The following SMG8 variants were observed in gnomAD, a reference collection of about 807,000 sequenced individuals.
The protein encoded by SMG8 is SMG8 nonsense mediated mRNA decay factor, also known as nonsense-mediated mRNA decay factor SMG8.
SMG8 carries 49 observed loss-of-function variants against 82.1 expected under a neutral mutation model. The observed-to-expected ratio is 0.60, with a 90% confidence interval of 0.47 to 0.76. The LOEUF is 0.76. SMG8 is among the 30% of genes least tolerant of loss of function. The pLI is 0.00. For synonymous variants in SMG8, 404 were observed against 430.0 expected (o/e 0.94, Z 0.75); for missense variants, 969 against 1,166.4 (o/e 0.83, Z 2.46).
intron 3 of SMG8, among the ~76,000 whole-genome samples, chr17:59,214,584 T>A (rs1379493124): frequency 6.6e-6 from 1 of 151,974 alleles, no homozygotes; most frequent in African/African-American, 2.4e-5. Context: ...ATTTTTTGTA[T>A]TTTTAGTAGA....
In SMG8 at chr17:59,210,765, G is replaced by A. The variant is rs771812175; in HGVS notation, c.714G>A (p.Leu238=). The change falls in exon 1 of 4, where the codon CTG becomes CTA. Residue 238 remains leucine (L), a synonymous_variant. Coordinates refer to ENST00000300917, the MANE Select transcript of SMG8 (RefSeq NM_018149.7). ...TGGATGGGCTGAGACAGAAGGTCCT[G>A]CCGCTCCTTAAAACAGCCATTAAGG... ...RALDGLRQKV[L]PLLKTAIKDC... is the part of the protein sequence containing the mutation. 22 of 1,614,108 alleles carry A rather than the reference G, an allele frequency of 1.4e-5. No individual in the cohort carries two copies. The South Asian group carries it at 2.3e-4, about 17-fold the overall frequency.
chr17:59,211,505 TGGAA>T lies in SMG8; in HGVS notation c.1458_1461del (p.Glu486AspfsTer35). The stretch of plus-strand genomic sequence containing the variant: ...AAGATTTTAAGCAGTATTAAAGTCT[TGGAA>T]GGATTTTTGGATATTGACACAAAAT... On this transcript the variant is annotated frameshift_variant, in exon 1 of 4. Coordinates refer to ENST00000300917, the MANE Select transcript of SMG8 (RefSeq NM_018149.7). LOFTEE classifies it high-confidence loss of function. The T allele has an allele frequency of 6.2e-7, 1 of 1,613,954 alleles. No individual in the cohort carries two copies. Among genetic ancestry groups the T allele is most frequent in the Non-Finnish European group, 8.5e-7 (1 of 1,179,976 alleles).
intron 3 of SMG8, among the ~76,000 whole-genome samples, chr17:59,214,464 G>A (rs2147865561): frequency 6.6e-6 from 1 of 152,076 alleles, no homozygotes; most frequent in African/African-American, 2.4e-5. Context: ...AGGCTGGAGG[G>A]CAGTGGTGCA....
Position 59,210,474 on chromosome 17 carries a change from C to G in SMG8, c.423C>G (p.Tyr141Ter). ...GSQDYSLLQA[Y>*]YSQESKVLYL... ...AGGACTACAGCCTTCTGCAGGCCTA[C>G]TACAGTCAGGAAAGCAAAGTTCTGT... The change falls in exon 1 of 4, where the codon TAC (tyrosine) becomes TAG (stop). Residue 141 changes from tyrosine to a stop codon, truncating the protein, a stop_gained. Transcript: ENST00000300917. LOFTEE classifies it high-confidence loss of function. 6.3e-7 allele frequency: 1 copy of G among 1,588,664 alleles called. No homozygotes were observed. The highest frequency in any genetic ancestry group is 8.5e-7 in the Non-Finnish European group (1 of 1,170,682).
chr17:59,210,828 A>C lies in SMG8; in HGVS notation c.777A>C (p.Arg259=), dbSNP rs199542339. The part of the protein sequence containing the change: ...PVGKDWKLNC[R]PCPPRLLFLF... Reference sequence around the variant, plus strand: ...GCAAAGACTGGAAGCTAAACTGCCGACCTTGCCCACCTAGACTCCTTTTCC... The same window carrying C: ...GCAAAGACTGGAAGCTAAACTGCCGCCCTTGCCCACCTAGACTCCTTTTCC... The change falls in exon 1 of 4, where the codon CGA becomes CGC. Residue 259 remains arginine, a synonymous_variant. Coordinates refer to ENST00000300917, the MANE Select transcript of SMG8 (RefSeq NM_018149.7). 66 of 1,614,104 alleles carry C rather than the reference A, an allele frequency of 4.1e-5. 1 individual carries two copies. The Admixed American group carries it at 7.5e-4, about 18-fold the overall frequency.
chr17:59,210,436 GAGGC>G lies in SMG8; in HGVS notation c.390_393del (p.Gly131ProfsTer102). The G allele has an allele frequency of 6.2e-7, 1 of 1,610,046 alleles. No homozygotes were observed. Among genetic ancestry groups the G allele is most frequent in the Non-Finnish European group, 8.5e-7 (1 of 1,178,326 alleles). ...AGCTGTCGCGGAAGGTAACCGAACT[GAGGC>G]AGGCTCCCAGGACTACAGCCTTCTG... On this transcript the variant is annotated frameshift_variant, in exon 1 of 4. Coordinates refer to ENST00000300917, the MANE Select transcript of SMG8 (RefSeq NM_018149.7). LOFTEE classifies it high-confidence loss of function.
chr17:59,211,039 C>T lies in SMG8; in HGVS notation c.988C>T (p.Pro330Ser). The change falls in exon 1 of 4, where the codon CCT becomes TCT. Residue 330 changes from proline to serine, a missense_variant. Physicochemically the swap from Pro to Ser is moderately conservative, Grantham distance 74. Transcript: ENST00000300917. Reference sequence around the variant, plus strand: ...GAGCATCAACTGCCTCTTTACTGTGCCTGCCAACCAAGCTTTCGTGTACAT... The same window carrying T: ...GAGCATCAACTGCCTCTTTACTGTGTCTGCCAACCAAGCTTTCGTGTACAT... Reference protein sequence around the residue: ...NQSINCLFTVPANQAFVYIVP... With the variant: ...NQSINCLFTVSANQAFVYIVP... 1 of 1,614,216 alleles carries T rather than the reference C, an allele frequency of 6.2e-7. No individual in the cohort carries two copies. The highest frequency in any genetic ancestry group is 8.5e-7 in the Non-Finnish European group (1 of 1,180,046).
rs2046938883 is a variant in SMG8 at position 59,210,196 on chromosome 17, G to C, written c.145G>C (p.Val49Leu). ...TCCATGGCGGGAGGATGAGATCTGC[G>C]TTGTGGGAATCTTCGGCAAGACGGC... ...EPPWREDEIC[V>L]VGIFGKTALR... The change falls in exon 1 of 4, where the codon GTT (valine) becomes CTT (leucine). Residue 49 changes from valine (V) to leucine (L), a missense_variant. Val to Leu is a conservative substitution (Grantham distance 32, BLOSUM62 1). Coordinates refer to ENST00000300917, the MANE Select transcript of SMG8 (RefSeq NM_018149.7). 1 of 1,601,090 alleles carries C rather than the reference G, an allele frequency of 6.2e-7. No individual in the cohort carries two copies. Among genetic ancestry groups the C allele is most frequent in the Admixed American group, 1.7e-5 (1 of 58,332 alleles).
chr17:59,213,240 C>G lies in SMG8; in HGVS notation c.2417C>G (p.Ala806Gly). 1 of 1,614,174 alleles carries G rather than the reference C, an allele frequency of 6.2e-7. No homozygotes were observed. The highest frequency in any genetic ancestry group is 8.5e-7 in the Non-Finnish European group (1 of 1,180,046). Residue 806 changes from alanine to glycine, a missense_variant, in exon 3 of 4, where the codon GCT becomes GGT. This residue lies in a region of SMG8 where 662 missense variants were observed against 884.8 expected (regional missense o/e 0.75). Transcript: ENST00000300917. Reference protein sequence around the residue: ...MPWDIVIRTRAEDEGDLDTNS... With the variant: ...MPWDIVIRTRGEDEGDLDTNS... ...TGGGACATTGTCATCAGGACTAGAG[C>G]TGAAGATGAAGGAGACTTAGACACA...
rs150837501 is a variant in SMG8 at position 59,214,973 on chromosome 17, C to T, written c.2947C>T (p.Arg983Cys). ...GCAGTTAATGAGCTACAAGGTGCTCCGTGGGGTTCTTAAGGCAGTAACACA... is the reference window on the plus strand; with the variant it reads ...GCAGTTAATGAGCTACAAGGTGCTCTGTGGGGTTCTTAAGGCAGTAACACA... ...NVQLMSYKVL[R>C]GVLKAVTQ The change falls in exon 4 of 4, where the codon CGT (arginine) becomes TGT (cysteine). Residue 983 changes from arginine (R) to cysteine (C), a missense_variant. Physicochemically the swap from Arg to Cys is radical, Grantham distance 180. Around this residue, in one of 3 missense-constraint regions of SMG8, gnomAD observed 101 missense variants for 91.1 expected, o/e 1.11. Coordinates refer to ENST00000300917, the MANE Select transcript of SMG8 (RefSeq NM_018149.7). The T allele has an allele frequency of 5.5e-5, 48 of 872,804 alleles. No individual in the cohort carries two copies. The highest frequency in any genetic ancestry group is 3.9e-5 in the South Asian group (3 of 76,524). The allele number at this position is 872,804 out of a possible 1,614,324, so 54.1% of individuals were successfully genotyped here. A position where few individuals can be genotyped will look rare whatever the true frequency, so the allele number is the denominator to read the frequency against.
rs112307391 is a variant in SMG8 at position 59,211,328 on chromosome 17, G to A, written c.1277G>A (p.Gly426Asp). ...QHVELVLSKK[G>D]FDDSVGRNPQ... ...GTGGAGCTAGTTCTAAGCAAGAAAG[G>A]TTTCGATGACAGTGTGGGCAGGAAC... is the stretch of plus-strand genomic sequence containing the variant. The change falls in exon 1 of 4, where the codon GGT becomes GAT. Residue 426 changes from glycine (G) to aspartate (D), a missense_variant. By Grantham distance (94) the Gly-to-Asp change is moderately conservative. This residue lies in a region of SMG8 where 662 missense variants were observed against 884.8 expected (regional missense o/e 0.75). Coordinates refer to ENST00000300917, the MANE Select transcript of SMG8 (RefSeq NM_018149.7). 6.2e-7 allele frequency: 1 copy of A among 1,614,148 alleles called. No homozygotes were observed. Among genetic ancestry groups the A allele is most frequent in the Non-Finnish European group, 8.5e-7 (1 of 1,180,018 alleles).
At chr17:59,212,611 CAGG>C (rs996450272) in intron 2 of SMG8, 115 bp from the exon 3 acceptor site, 55 of 1,458,688 alleles carry the variant, frequency 3.8e-5, no homozygotes, top group Admixed American at 1.3e-4. Flanking sequence ...AATATATAAA[CAGG>C]AGCAAATTCT....
At position 59,214,825 on chromosome 17, in the gene SMG8, A is replaced by G. The variant is rs2046960284; in HGVS notation, c.2799A>G (p.Pro933=). Residue 933 remains proline (P), a synonymous_variant, in exon 4 of 4, where the codon CCA becomes CCG. Coordinates refer to ENST00000300917, the MANE Select transcript of SMG8 (RefSeq NM_018149.7). ...TTCAGGTTCAGCCAGGCCCACCACC[A>G]TGTCCGGTATTCTACCCAGAAAAAC... ...LMPQVQPGPP[P]CPVFYPEKQE... is the part of the protein sequence containing the mutation. The G allele has an allele frequency of 3.4e-6, 3 of 872,826 alleles. No homozygotes were observed. The highest frequency in any genetic ancestry group is 6.0e-6 in the Non-Finnish European group (3 of 501,698). The allele number at this position is 872,826 out of a possible 1,614,324, so 54.1% of individuals were successfully genotyped here. A position where few individuals can be genotyped will look rare whatever the true frequency, so the allele number is the denominator to read the frequency against.
At chr17:59,214,241 C>T (rs1257853953) in intron 3 of SMG8, among the ~76,000 whole-genome samples, 2 of 151,922 alleles carry the variant, frequency 1.3e-5, no homozygotes, top group East Asian at 3.9e-4. Flanking sequence ...GAGCCGAGAT[C>T]GCGCCATTGC....
In SMG8 at chr17:59,210,833, GC is replaced by G. The variant is rs2046942682; in HGVS notation, c.785del (p.Pro262HisfsTer16). 6.2e-7 allele frequency: 1 copy of G among 1,614,138 alleles called. No homozygotes were observed. The highest frequency in any genetic ancestry group is 2.2e-5 in the East Asian group (1 of 44,880). On this transcript the variant is annotated frameshift_variant, in exon 1 of 4. Coordinates refer to ENST00000300917, the MANE Select transcript of SMG8 (RefSeq NM_018149.7). LOFTEE classifies it high-confidence loss of function. ...GKDWKLNCRP[C>X]PPRLLFLFQL... ...GACTGGAAGCTAAACTGCCGACCTT[GC>G]CCACCTAGACTCCTTTTCCTCTTTC...
In SMG8 at chr17:59,215,143, A is replaced by G. The variant is rs939666329; in HGVS notation, c.*141A>G. The stretch of plus-strand genomic sequence containing the variant: ...ACAGGAGTTCAGTATTTGGAAACTA[A>G]TTTGTTCTACTTTTTCATTATATTG... On this transcript the variant is annotated 3_prime_UTR_variant, in exon 4 of 4. Transcript: ENST00000300917. The G allele has an allele frequency of 1.7e-6, 1 of 585,512 alleles. No homozygotes were observed. Among genetic ancestry groups the G allele is most frequent in the Non-Finnish European group, 3.0e-6 (1 of 329,714 alleles). The allele number at this position is 585,512 out of a possible 1,614,324, so 36.3% of individuals were successfully genotyped here.
chr17:59,212,678 A>C lies in SMG8; in HGVS notation c.1906-51A>C, dbSNP rs766385839. ...ATTATTGATCTTGTTAGAATGAAGA[A>C]TATTATTTAAAATGAAAAACTTACT... On this transcript the variant is annotated intron_variant, in intron 2 of 3. Coordinates refer to ENST00000300917, the MANE Select transcript of SMG8 (RefSeq NM_018149.7). 5.6e-5 allele frequency: 85 copies of C among 1,530,552 alleles called. No individual in the cohort carries two copies. In the African/African-American group the frequency reaches 1.0e-3, roughly 19 times the overall value. 94.8% of individuals were successfully genotyped at this position (1,530,552 alleles called of 1,614,324 possible).
intron 3 of SMG8, 48 bp from the exon 4 acceptor site, chr17:59,214,757 T>C (rs746242947): frequency 1.2e-6 from 1 of 858,020 alleles, no homozygotes; most frequent in Non-Finnish European, 2.0e-6. Context: ...CTTTCAGTTG[T>C]TTCATATTGA....
In SMG8 at chr17:59,210,051, T is replaced by C. The variant is rs745805909; in HGVS notation, c.-1T>C. The C allele has an allele frequency of 1.4e-5, 22 of 1,549,048 alleles. 1 individual carries two copies. The highest frequency in any genetic ancestry group is 2.3e-5 in the East Asian group (1 of 44,308). ...AAGGACTCTAGAGAACGCTCTGCAC[T>C]ATGGCTGGTCCCGTGAGCTTGCGAG... On this transcript the variant is annotated 5_prime_UTR_variant, in exon 1 of 4. Transcript: ENST00000300917.
Sources: allele counts gnomAD v4.1 joint callset (sites outside exome capture counted in the v4.1 genomes callset), GRCh38; gene constraint gnomAD v4.1.1; regional missense constraint gnomAD v4.1.1; transcripts MANE v1.5; gene names NCBI Gene and HGNC (gene_info 2026-07-23, HGNC 2026-07-21).